PHC2: variants seen among roughly 807,000 people sequenced by gnomAD.
The protein encoded by PHC2 is polyhomeotic-like protein 2.
Under a neutral mutation model 87.4 loss-of-function variants are expected in PHC2, and 29 were observed. That is an observed-to-expected ratio of 0.33 (90% confidence interval 0.25 to 0.45). The LOEUF (loss-of-function observed/expected upper bound fraction) is 0.45. Ranked by LOEUF, PHC2 falls within the 20% of genes least tolerant of loss-of-function variation. The pLI is 1.00. For synonymous variants in PHC2, 438 were observed against 461.7 expected, an observed-to-expected ratio of 0.95 and a Z score of 0.66; for missense variants, 857 against 1,136.7, an observed-to-expected ratio of 0.75 and a Z score of 3.54.
chr1:33,392,069 C>T (rs1649081487), intron 1 of PHC2, among the ~76,000 whole-genome samples: 1 of 152,170 alleles, frequency 6.6e-6, no homozygotes, highest in South Asian at 2.1e-4. Flanking sequence ...GTGGAAGCGT[C>T]CAGGTGTGGC....
intron 1 of PHC2, among the ~76,000 whole-genome samples, chr1:33,394,300 G>GA (rs892185259): frequency 3.3e-4 from 45 of 137,146 alleles, no homozygotes; most frequent in African/African-American, 8.0e-4. Flanking sequence ...AGCAGCAAAA[G>GA]AAAAAAAAAA....
chr1:33,339,125 C>T (rs1461620381), intron 9 of PHC2, among the ~76,000 whole-genome samples: 3 of 152,182 alleles, frequency 2.0e-5, no homozygotes, highest in Non-Finnish European at 4.4e-5. Context: ...GGACTGGTCA[C>T]GTCTCCTAAG....
At chr1:33,430,400 CA>C (rs1350843439) in intron 1 of PHC2, among the ~76,000 whole-genome samples, 5 of 152,218 alleles carry the variant, frequency 3.3e-5, no homozygotes, top group Non-Finnish European at 7.4e-5. Context: ...TGGTGCCCCC[CA>C]CGCCACGCTT....
At chr1:33,389,611 G>A (rs1648948026) in intron 1 of PHC2, among the ~76,000 whole-genome samples, 1 of 152,094 alleles carries the variant, frequency 6.6e-6, no homozygotes, top group African/African-American at 2.4e-5. Flanking sequence ...AGAGTCCCCT[G>A]GGCCTAGCTC....
rs1347324265 is a variant in PHC2, at chr1:33,334,297, A to T, written c.1559-5T>A. ...GAACAATGCCCTGCCCTGTCTCTGC[A>T]CGAGAGAGAGTAGGAAAACAAAGCA... On this transcript the variant is annotated splice_polypyrimidine_tract_variant and splice_region_variant and intron_variant, in intron 9 of 14. Coordinates refer to ENST00000683057, the MANE Select transcript of PHC2 (RefSeq NM_001385109.1). The surrounding 1 kb of genome is among the most constrained non-coding windows in gnomAD (Gnocchi z 5.5). 1.2e-6 allele frequency: 2 copies of T among 1,612,296 alleles called. No individual in the cohort carries two copies. Among genetic ancestry groups the T allele is most frequent in the South Asian group, 2.2e-5 (2 of 90,910 alleles).
In PHC2 at chr1:33,364,629, C is replaced by G. The variant is rs914762822; in HGVS notation, c.976+2487G>C. On this transcript the variant is annotated intron_variant, in intron 7 of 14. Coordinates refer to ENST00000683057, the MANE Select transcript of PHC2 (RefSeq NM_001385109.1). This position sits in a 1 kb window ranked among gnomAD's most constrained non-coding sequence, Gnocchi z 4.1. ...CTGAGAGGACCTTCCCCTACTAAAA[C>G]TCCCCAGCTGCCTTCCATATGGGAG... 2.0e-5 allele frequency among the ~76,000 whole-genome samples: 3 copies of G among 152,198 alleles called. No individual in the cohort carries two copies. Among genetic ancestry groups the G allele is most frequent in the Non-Finnish European group, 4.4e-5 (3 of 68,026 alleles).
chr1:33,409,079 A>C (rs937810890), intron 1 of PHC2, among the ~76,000 whole-genome samples: 1 of 152,188 alleles, frequency 6.6e-6, no homozygotes, highest in Non-Finnish European at 1.5e-5. Context: ...TAGAAGTCAA[A>C]TTTTCTCATA....
Position 33,364,919 on chromosome 1 carries a change from A to G in PHC2, c.976+2197T>C, listed in dbSNP as rs145945521. On this transcript the variant is annotated intron_variant, in intron 7 of 14. Coordinates refer to ENST00000683057, the MANE Select transcript of PHC2 (RefSeq NM_001385109.1). The surrounding 1 kb of genome is among the most constrained non-coding windows in gnomAD (Gnocchi z 4.1). ...GTCACCTGCTGGTGTTTACCTTTAC[A>G]TGGGGTCTCCACCAGACTCTGCAAA... Among the ~76,000 whole-genome samples, 1 of 152,098 alleles carries G rather than the reference A, an allele frequency of 6.6e-6. No individual in the cohort carries two copies. The highest frequency in any genetic ancestry group is 2.4e-5 in the African/African-American group (1 of 41,406).
intron 1 of PHC2, among the ~76,000 whole-genome samples, chr1:33,400,814 C>T (rs1364434732): frequency 6.6e-6 from 1 of 152,096 alleles, no homozygotes; most frequent in African/African-American, 2.4e-5. Flanking sequence ...GGAAAGATCT[C>T]TGAGATATAT....
At chr1:33,396,366 G>A (rs1223326083) in intron 1 of PHC2, among the ~76,000 whole-genome samples, 1 of 152,152 alleles carries the variant, frequency 6.6e-6, no homozygotes, top group African/African-American at 2.4e-5. Flanking sequence ...GGTGAGGGGA[G>A]GGGTAAAAGG....
intron 9 of PHC2, among the ~76,000 whole-genome samples, chr1:33,343,314 A>AT (rs1553184334): frequency 1.3e-5 from 2 of 151,672 alleles, no homozygotes; most frequent in Admixed American, 6.6e-5. Context: ...TACAAAAAAA[A>AT]AAATAAATAA....
In PHC2 at chr1:33,371,081, G is replaced by T. The variant is rs373837300; in HGVS notation, c.347C>A (p.Ser116Tyr). ...LAAVQQASLV[S>Y]NRQGSTSGSN... Reference sequence around the variant, plus strand: ...GCCTGAAGTGCTTCCTTGTCTATTGGATACCAGGCTTGCCTAGGAAAGAAC... The same window carrying T: ...GCCTGAAGTGCTTCCTTGTCTATTGTATACCAGGCTTGCCTAGGAAAGAAC... Residue 116 changes from serine (S) to tyrosine (Y), a missense_variant, in exon 4 of 15, where the codon TCC becomes TAC. By Grantham distance (144) the Ser-to-Tyr change is moderately radical. This residue lies in a region of PHC2 where 832 missense variants were observed against 1,081.8 expected (regional missense o/e 0.77). Coordinates refer to ENST00000683057, the MANE Select transcript of PHC2 (RefSeq NM_001385109.1). 6.2e-7 allele frequency: 1 copy of T among 1,613,858 alleles called. No homozygotes were observed. Among genetic ancestry groups the T allele is most frequent in the Non-Finnish European group, 8.5e-7 (1 of 1,179,918 alleles).
At chr1:33,371,130 G>T in intron 3 of PHC2, 36 bp from the exon 4 acceptor site, 1 of 1,547,848 alleles carries the variant, frequency 6.5e-7, no homozygotes, top group Non-Finnish European at 8.9e-7. Flanking sequence ...TAGAGTCCCA[G>T]ACCTCCCCCA....
intron 1 of PHC2, among the ~76,000 whole-genome samples, chr1:33,399,150 G>A (rs1649413060): frequency 6.6e-6 from 1 of 152,166 alleles, no homozygotes; most frequent in Admixed American, 6.5e-5. Flanking sequence ...TGCATTATGA[G>A]TGTGACTAGG....
At chr1:33,420,385 G>C (rs988751898) in intron 1 of PHC2, among the ~76,000 whole-genome samples, 1 of 152,108 alleles carries the variant, frequency 6.6e-6, no homozygotes, top group South Asian at 2.1e-4. Flanking sequence ...TACTAAGGTC[G>C]CTAGTAAGAA....
At chr1:33,378,576 A>G (rs1214244379) in intron 1 of PHC2, among the ~76,000 whole-genome samples, 1 of 152,242 alleles carries the variant, frequency 6.6e-6, no homozygotes, top group African/African-American at 2.4e-5. Context: ...AGAATAATCT[A>G]CATCCTGGAT....
At chr1:33,381,614 C>G (rs1213693381) in intron 1 of PHC2, among the ~76,000 whole-genome samples, 3 of 151,108 alleles carry the variant, frequency 2.0e-5, no homozygotes, top group Non-Finnish European at 4.4e-5. Context: ...GATTCAAAAC[C>G]AAGTCCGACT....
intron 1 of PHC2, among the ~76,000 whole-genome samples, chr1:33,430,521 A>T (rs902792997): frequency 6.6e-6 from 1 of 152,024 alleles, no homozygotes; most frequent in East Asian, 1.9e-4. Context: ...GGACAAGCGG[A>T]GCAGGCGCAG....
At chr1:33,340,749 A>G (rs1240089797) in intron 9 of PHC2, among the ~76,000 whole-genome samples, 2 of 152,152 alleles carry the variant, frequency 1.3e-5, no homozygotes, top group Non-Finnish European at 2.9e-5. Flanking sequence ...AGGGAGGGGA[A>G]CAGGCAGGCT....
Sources: allele counts gnomAD v4.1 joint callset (sites outside exome capture counted in the v4.1 genomes callset), GRCh38; gene constraint gnomAD v4.1.1; regional missense constraint gnomAD v4.1.1; non-coding constraint Gnocchi (gnomAD v3.1); transcripts MANE v1.5; gene names NCBI Gene and HGNC (gene_info 2026-07-23, HGNC 2026-07-21).